Variants in PTPN14 observed in about 807,000 individuals in gnomAD.
PTPN14 encodes the protein protein tyrosine phosphatase non-receptor type 14.
PTPN14 carries 53 observed loss-of-function variants against 126.8 expected under a neutral mutation model. The ratio of observed to expected loss-of-function variants is 0.42; its 90% CI spans 0.34 to 0.53. PTPN14 has a LOEUF of 0.53. Ranked by LOEUF, PTPN14 falls within the 20% of genes least tolerant of loss-of-function variation. PTPN14 has a pLI of 0.08. For missense variants in PTPN14, 1,257 were observed against 1,552.9 expected (o/e 0.81, Z 3.20); for synonymous variants, 630 against 599.3 (o/e 1.05, Z -0.75).
chr1:214,368,640 C>T (rs1322822610), intron 17 of PTPN14, among the ~76,000 whole-genome samples: 1 of 152,152 alleles, frequency 6.6e-6, no homozygotes, highest in Admixed American at 6.5e-5. Flanking sequence ...CACCATCATC[C>T]ATGTCCAGTA....
At position 214,414,645 on chromosome 1, in the gene PTPN14, G is replaced by A. The variant is rs138668755; in HGVS notation, c.426C>T (p.Ala142=). The A allele has an allele frequency of 1.3e-5, 21 of 1,613,742 alleles. No individual in the cohort carries two copies. The highest frequency in any genetic ancestry group is 1.6e-4 in the Middle Eastern group (1 of 6,078). Residue 142 remains alanine (A), a synonymous_variant, in exon 4 of 19, where the codon GCC becomes GCT. Coordinates refer to ENST00000366956, the MANE Select transcript of PTPN14 (RefSeq NM_005401.5). ...ATGTCTTACCTTGCACAGCTAGGCC[G>A]GCTAGCCGAATCACCTGGTCCAATG... ...RCTLDQVIRL[A]GLAVQADFGD... is the part of the protein sequence containing the mutation.
At chr1:214,389,142 C>T (rs981043831) in intron 11 of PTPN14, among the ~76,000 whole-genome samples, 1 of 152,100 alleles carries the variant, frequency 6.6e-6, no homozygotes, top group African/African-American at 2.4e-5. Context: ...CATTTTAAGG[C>T]TTTAAAGAAA....
rs1658609256 is a variant in PTPN14 at position 214,386,368 on chromosome 1, A to T, written c.1066+476T>A. 2.6e-5 allele frequency among the ~76,000 whole-genome samples: 4 copies of T among 152,226 alleles called. No individual in the cohort carries two copies. The South Asian group carries it at 8.3e-4, about 31-fold the overall frequency. ...AACAGATTTACCTTACTCAGAGAAG[A>T]AAAAAGCAAGTGTACCAAGAAAGGG... On this transcript the variant is annotated intron_variant, in intron 12 of 18. Transcript: ENST00000366956.
chr1:214,482,175 A>C (rs1038472683), intron 1 of PTPN14, among the ~76,000 whole-genome samples: 3 of 151,904 alleles, frequency 2.0e-5, no homozygotes, highest in Non-Finnish European at 4.4e-5. Flanking sequence ...ATTCAAGGTG[A>C]CCATCCCTTG....
intron 4 of PTPN14, among the ~76,000 whole-genome samples, chr1:214,412,316 T>G (rs1288861495): frequency 6.6e-6 from 1 of 152,210 alleles, no homozygotes; most frequent in Non-Finnish European, 1.5e-5. Context: ...ATATATAAAG[T>G]CTTGCTTCTT....
intron 1 of PTPN14, among the ~76,000 whole-genome samples, chr1:214,520,335 T>C (rs553531848): frequency 3.8e-4 from 57 of 151,914 alleles, no homozygotes; most frequent in Admixed American, 7.2e-4. Flanking sequence ...ATGACGAAAC[T>C]GAGAAGGTTT....
intron 6 of PTPN14, among the ~76,000 whole-genome samples, 189 bp from the exon 7 acceptor site, chr1:214,401,961 T>C (rs1034213352): frequency 2.0e-5 from 3 of 152,112 alleles, no homozygotes; most frequent in African/African-American, 7.2e-5. Flanking sequence ...GCCTTTTACT[T>C]AACAGCGAAT....
At chr1:214,536,788 T>A (rs1040746129) in intron 1 of PTPN14, among the ~76,000 whole-genome samples, 1 of 152,222 alleles carries the variant, frequency 6.6e-6, no homozygotes. Context: ...TGAAATTATG[T>A]CTACACATGA....
At position 214,492,750 on chromosome 1, in the gene PTPN14, A is replaced by G. The variant is rs529242860; in HGVS notation, c.-154-27793T>C. The stretch of plus-strand genomic sequence containing the variant: ...TGGCAAAACCCCGTCTCGATTAAAG[A>G]TACAAAAATTAGCTGGGGGTGGTGG... On this transcript the variant is annotated intron_variant, in intron 1 of 18. Coordinates refer to ENST00000366956, the MANE Select transcript of PTPN14 (RefSeq NM_005401.5). Among the ~76,000 whole-genome samples the G allele has an allele frequency of 1.8e-3, 267 of 152,202 alleles. 1 individual carries two copies. Among genetic ancestry groups the G allele is most frequent in the Middle Eastern group, 3.4e-3 (1 of 294 alleles).
At chr1:214,382,811 C>A (rs1045318011) in intron 13 of PTPN14, among the ~76,000 whole-genome samples, 1 of 152,206 alleles carries the variant, frequency 6.6e-6, no homozygotes, top group Non-Finnish European at 1.5e-5. Context: ...CTATAATTTT[C>A]TTGAATCTGT....
At chr1:214,453,638 A>G (rs1660320343) in intron 2 of PTPN14, among the ~76,000 whole-genome samples, 1 of 152,082 alleles carries the variant, frequency 6.6e-6, no homozygotes, top group Non-Finnish European at 1.5e-5. Context: ...CACCACCACC[A>G]CCACCATCGC....
At chr1:214,469,426 A>G (rs1269321178) in intron 1 of PTPN14, among the ~76,000 whole-genome samples, 4 of 152,068 alleles carry the variant, frequency 2.6e-5, no homozygotes, top group African/African-American at 9.7e-5. Context: ...TGTGAAATCC[A>G]CTCTAAGCAT....
At chr1:214,523,779 G>A (rs903361339) in intron 1 of PTPN14, among the ~76,000 whole-genome samples, 4 of 151,616 alleles carry the variant, frequency 2.6e-5, no homozygotes, top group Non-Finnish European at 5.9e-5. Context: ...GGATCCTTGA[G>A]TTCCTGTCAC....
At chr1:214,444,573 C>CT (rs1660101448) in intron 3 of PTPN14, among the ~76,000 whole-genome samples, 1 of 152,168 alleles carries the variant, frequency 6.6e-6, no homozygotes, top group Admixed American at 6.5e-5. Flanking sequence ...AAAACAGACA[C>CT]TTTAAACACT....
chr1:214,405,647 AAC>A (rs1459015022), intron 5 of PTPN14, among the ~76,000 whole-genome samples: 1 of 152,144 alleles, frequency 6.6e-6, no homozygotes, highest in African/African-American at 2.4e-5. Flanking sequence ...TTACCTGGAA[AAC>A]ACACTCTTCA....
At chr1:214,491,357 T>C (rs766420408) in intron 1 of PTPN14, among the ~76,000 whole-genome samples, 2 of 152,204 alleles carry the variant, frequency 1.3e-5, no homozygotes, top group Non-Finnish European at 2.9e-5. Context: ...TTCCAACTTT[T>C]ATTCACTGGT....
chr1:214,510,741 T>C (rs954819997), intron 1 of PTPN14, among the ~76,000 whole-genome samples: 28 of 152,244 alleles, frequency 1.8e-4, no homozygotes, highest in African/African-American at 6.5e-4. Flanking sequence ...CATCTCCATA[T>C]GTTTGGACTT....
At chr1:214,503,547 C>T (rs1304084791) in intron 1 of PTPN14, among the ~76,000 whole-genome samples, 1 of 152,196 alleles carries the variant, frequency 6.6e-6, no homozygotes, top group Non-Finnish European at 1.5e-5. Context: ...CTTCAAATCT[C>T]GGTACAGAAT....
chr1:214,507,899 T>C (rs533143188), intron 1 of PTPN14, among the ~76,000 whole-genome samples: 9 of 152,168 alleles, frequency 5.9e-5, no homozygotes, highest in Non-Finnish European at 1.3e-4. Context: ...AAGGATCCAT[T>C]GAGCCCAGAA....
Sources: allele counts gnomAD v4.1 joint callset (sites outside exome capture counted in the v4.1 genomes callset), GRCh38; gene constraint gnomAD v4.1.1; transcripts MANE v1.5; gene names NCBI Gene and HGNC (gene_info 2026-07-23, HGNC 2026-07-21).